The following SLC6A19 variants were observed in gnomAD, a reference collection of about 807,000 sequenced individuals.
SLC6A19 encodes the protein sodium-dependent neutral amino acid transporter B(0)AT1.
Under a neutral mutation model 68.3 loss-of-function variants are expected in SLC6A19, and 67 were observed. That is an observed-to-expected ratio of 0.98 (90% CI 0.81 to 1.20). The LOEUF (loss-of-function observed/expected upper bound fraction) is 1.20. Among genes scored for constraint, SLC6A19 ranks in the 50% most tolerant of loss-of-function variants. SLC6A19 has a pLI of 0.00. For synonymous variants in SLC6A19, 392 were observed against 374.9 expected, an observed-to-expected ratio of 1.05 and a Z score of -0.53; for missense variants, 813 against 851.6, an observed-to-expected ratio of 0.95 and a Z score of 0.56.
In SLC6A19 at chr5:1,219,665, G is replaced by A. The variant is rs575943523; in HGVS notation, c.1538+1G>A. 1.2e-6 allele frequency: 2 copies of A among 1,604,232 alleles called. No individual in the cohort carries two copies. Among genetic ancestry groups the A allele is most frequent in the South Asian group, 1.1e-5 (1 of 91,078 alleles). On this transcript the variant is annotated splice_donor_variant, in intron 10 of 11. Transcript: ENST00000304460. LOFTEE classifies it high-confidence loss of function. ...TGGTCTACGTGTACGGTGTGGACAG[G>A]TAGGGGCCACGGTGGGGACAGGTGC...
Position 1,209,632 on chromosome 5 carries a change from T to C in SLC6A19, c.343+746T>C, listed in dbSNP as rs1423027450. ...CCCTCTCTCTTCCTCTCTCTCTGTC[T>C]CTGTCATTCTCTCTTTCCCCTCCTA... On this transcript the variant is annotated intron_variant, in intron 2 of 11. Coordinates refer to ENST00000304460, the MANE Select transcript of SLC6A19 (RefSeq NM_001003841.3). This position sits in a 1 kb window ranked among gnomAD's most constrained non-coding sequence, Gnocchi z 5.5. 6.6e-6 allele frequency among the ~76,000 whole-genome samples: 1 copy of C among 151,844 alleles called. No homozygotes were observed. Among genetic ancestry groups the C allele is most frequent in the Admixed American group, 6.6e-5 (1 of 15,250 alleles).
At chr5:1,218,005 G>GCGCCTCTTCC (rs1554035170) in intron 8 of SLC6A19, among the ~76,000 whole-genome samples, 10 of 149,550 alleles carry the variant, frequency 6.7e-5, no homozygotes, top group African/African-American at 2.5e-4. Context: ...CTCCATCCTG[G>GCGCCTCTTCC]CGCCTCCTCC....
chr5:1,209,421 A>AGAG lies in SLC6A19; in HGVS notation c.343+539_343+541dup, dbSNP rs750440382. 5.8e-4 allele frequency among the ~76,000 whole-genome samples: 88 copies of AGAG among 152,226 alleles called. No homozygotes were observed. Among genetic ancestry groups the AGAG allele is most frequent in the Non-Finnish European group, 9.4e-4 (64 of 67,988 alleles). On this transcript the variant is annotated intron_variant, in intron 2 of 11. Transcript: ENST00000304460. This position sits in a 1 kb window ranked among gnomAD's most constrained non-coding sequence, Gnocchi z 5.5. Reference sequence around the variant, plus strand: ...GAGGAAAGGGCAGGGTCCACTCCAGAGAGGAGTCTGAGTCCAGGAAGCACC... The same window carrying AGAG: ...GAGGAAAGGGCAGGGTCCACTCCAGAGAGGAGGAGTCTGAGTCCAGGAAGCACC...
intron 5 of SLC6A19, 124 bp downstream of exon 5, chr5:1,213,697 G>A (rs1746119983): frequency 9.1e-7 from 1 of 1,104,562 alleles, no homozygotes; most frequent in African/African-American, 1.6e-5. Flanking sequence ...ACCAGTCCCA[G>A]GCCTGAGGAG....
intron 1 of SLC6A19, among the ~76,000 whole-genome samples, chr5:1,205,282 T>G (rs1260932662): frequency 6.6e-6 from 1 of 152,238 alleles, no homozygotes; most frequent in Non-Finnish European, 1.5e-5. Flanking sequence ...TCGCTGCGTT[T>G]AAAAGACAAA....
Position 1,218,854 on chromosome 5 carries a change from G to A in SLC6A19, c.1174-49G>A, listed in dbSNP as rs573786926. On this transcript the variant is annotated intron_variant, in intron 8 of 11. Transcript: ENST00000304460. Reference sequence around the variant, plus strand: ...ACGAGACCTCGGGCGGGGAGGAGACGGAGCCCACGGAGGGCAGAGGCCCTG... The same window carrying A: ...ACGAGACCTCGGGCGGGGAGGAGACAGAGCCCACGGAGGGCAGAGGCCCTG... 4.7e-5 allele frequency: 75 copies of A among 1,591,710 alleles called. No homozygotes were observed. In the East Asian group the frequency reaches 1.2e-3, roughly 26 times the overall value.
chr5:1,213,962 C>G lies in SLC6A19; in HGVS notation c.784C>G (p.Leu262Val). 1 of 1,613,228 alleles carries G rather than the reference C, an allele frequency of 6.2e-7. No individual in the cohort carries two copies. Among genetic ancestry groups the G allele is most frequent in the Non-Finnish European group, 8.5e-7 (1 of 1,180,008 alleles). Reference protein sequence around the residue: ...VFLFTPNVTELAQPDTWLDAG... With the variant: ...VFLFTPNVTEVAQPDTWLDAG... ...TCTCCATGTGGCGCAGGTCACGGAG[C>G]TGGCCCAGCCGGACACCTGGCTGGA... Residue 262 changes from leucine to valine, a missense_variant, in exon 6 of 12, where the codon CTG (leucine) becomes GTG (valine). By Grantham distance (32) the Leu-to-Val change is conservative (BLOSUM62 1). Transcript: ENST00000304460.
chr5:1,218,670 CG>C lies in SLC6A19; in HGVS notation c.1174-231del, dbSNP rs1746272632. On this transcript the variant is annotated intron_variant, in intron 8 of 11. Transcript: ENST00000304460. Reference sequence around the variant, plus strand: ...TGTGTTGGGAGAGCCCGTCTGTGGGCGGAACGGGGCTCTGAGTGCCGCTTGG... The same window carrying C: ...TGTGTTGGGAGAGCCCGTCTGTGGGCGAACGGGGCTCTGAGTGCCGCTTGG... Among the ~76,000 whole-genome samples, 3 of 152,322 alleles carry C rather than the reference CG, an allele frequency of 2.0e-5. No individual in the cohort carries two copies. In the South Asian group the frequency reaches 6.2e-4, roughly 32 times the overall value.
In SLC6A19 at chr5:1,218,813, C is replaced by T. The variant is rs6865308; in HGVS notation, c.1174-90C>T. On this transcript the variant is annotated intron_variant, in intron 8 of 11. Transcript: ENST00000304460. ...GCTCAGACCTGCCCGCCCCATGCTG[C>T]GTGGCTTGGCGACGCACGAGACCTC... 550,562 of 1,359,350 alleles carry T rather than the reference C, an allele frequency of 0.41. 114,775 individuals are homozygous for T. The highest frequency in any genetic ancestry group is 0.43 in the Non-Finnish European group (416,403 of 969,432). The allele number at this position is 1,359,350 out of a possible 1,614,324, so 84.2% of individuals were successfully genotyped here. A position where few individuals can be genotyped will look rare whatever the true frequency, so the allele number is the denominator to read the frequency against.
rs1040869072 is a variant in SLC6A19, at chr5:1,222,230, A to G, written c.*326A>G. 1.0e-5 allele frequency: 6 copies of G among 583,290 alleles called. No homozygotes were observed. The highest frequency in any genetic ancestry group is 7.5e-5 in the African/African-American group (4 of 53,660). 36.1% of individuals were successfully genotyped at this position (583,290 alleles called of 1,614,324 possible). ...ATGTATGGACATTGTGTGAGTGTGC[A>G]AGTGTGCATGCATATACATGTGTGC... is the stretch of plus-strand genomic sequence containing the variant. On this transcript the variant is annotated 3_prime_UTR_variant, in exon 12 of 12. Transcript: ENST00000304460.
intron 1 of SLC6A19, among the ~76,000 whole-genome samples, chr5:1,203,976 T>A (rs943604915): frequency 6.6e-6 from 1 of 152,152 alleles, no homozygotes; most frequent in Non-Finnish European, 1.5e-5. Context: ...GGGGGCCTCA[T>A]GGGCACCAAA....
chr5:1,202,854 C>G (rs1471289504), intron 1 of SLC6A19, among the ~76,000 whole-genome samples: 3 of 152,196 alleles, frequency 2.0e-5, no homozygotes, highest in Non-Finnish European at 4.4e-5. Flanking sequence ...TCGCCTCCAG[C>G]ATTGTCAAGG....
intron 1 of SLC6A19, among the ~76,000 whole-genome samples, chr5:1,203,007 CA>C (rs1745758186): frequency 6.6e-6 from 1 of 152,136 alleles, no homozygotes; most frequent in African/African-American, 2.4e-5. Context: ...ACCAAAGCCT[CA>C]GGGGACTTCC....
Position 1,221,184 on chromosome 5 carries a change from C to T in SLC6A19, c.1572C>T (p.His524=), listed in dbSNP as rs755709564. 1.5e-5 allele frequency: 25 copies of T among 1,614,118 alleles called. No individual in the cohort carries two copies. Among genetic ancestry groups the T allele is most frequent in the Non-Finnish European group, 2.1e-5 (25 of 1,180,018 alleles). Residue 524 remains histidine, a synonymous_variant, in exon 11 of 12, where the codon CAC becomes CAT. Coordinates refer to ENST00000304460, the MANE Select transcript of SLC6A19 (RefSeq NM_001003841.3). ...FNKDIEFMIG[H]KPNIFWQVTW... ...AGGACATCGAGTTCATGATCGGCCACAAGCCCAACATCTTCTGGCAAGTCA... is the reference window on the plus strand; with the variant it reads ...AGGACATCGAGTTCATGATCGGCCATAAGCCCAACATCTTCTGGCAAGTCA...
In SLC6A19 at chr5:1,212,575, C is replaced by A; in HGVS notation, c.663+91C>A. 6.6e-7 allele frequency: 1 copy of A among 1,521,010 alleles called. No individual in the cohort carries two copies. The highest frequency in any genetic ancestry group is 9.0e-7 in the Non-Finnish European group (1 of 1,115,716). The allele number at this position is 1,521,010 out of a possible 1,614,324, so 94.2% of individuals were successfully genotyped here. ...GCCGGCTGCACTCTAAAACCCAGGTCTGGGGGTCCCGGGCTCTGCCTTTCC... is the reference window on the plus strand; with the variant it reads ...GCCGGCTGCACTCTAAAACCCAGGTATGGGGGTCCCGGGCTCTGCCTTTCC... On this transcript the variant is annotated intron_variant, in intron 4 of 11. Coordinates refer to ENST00000304460, the MANE Select transcript of SLC6A19 (RefSeq NM_001003841.3). This position sits in a 1 kb window ranked among gnomAD's most constrained non-coding sequence, Gnocchi z 5.1.
chr5:1,206,260 G>A (rs529005367), intron 1 of SLC6A19, among the ~76,000 whole-genome samples: 70 of 151,002 alleles, frequency 4.6e-4, no homozygotes, highest in African/African-American at 1.6e-3. Flanking sequence ...TCTCTCCATC[G>A]CCCTGTCTGT....
intron 11 of SLC6A19, 64 bp from the exon 12 acceptor site, chr5:1,221,637 T>G: frequency 6.3e-7 from 1 of 1,596,624 alleles, no homozygotes; most frequent in South Asian, 1.1e-5. Flanking sequence ...TGAGGGGCCT[T>G]TGCCTCAAAG....
Position 1,222,073 on chromosome 5 carries a change from T to G in SLC6A19, c.*169T>G. 1 of 748,970 alleles carries G rather than the reference T, an allele frequency of 1.3e-6. No individual in the cohort carries two copies. Among genetic ancestry groups the G allele is most frequent in the Non-Finnish European group, 2.2e-6 (1 of 456,474 alleles). The allele number at this position is 748,970 out of a possible 1,614,324, so 46.4% of individuals were successfully genotyped here. ...GTGCCATGTGTGCAGATATGTATCG[T>G]GTGTGCATGTACATGCATGGGCACT... is the stretch of plus-strand genomic sequence containing the variant. On this transcript the variant is annotated 3_prime_UTR_variant, in exon 12 of 12. Transcript: ENST00000304460.
Position 1,209,921 on chromosome 5 carries a change from G to A in SLC6A19, c.344-523G>A, listed in dbSNP as rs1287137422. Among the ~76,000 whole-genome samples the A allele has an allele frequency of 6.6e-6, 1 of 152,218 alleles. No individual in the cohort carries two copies. The highest frequency in any genetic ancestry group is 1.9e-4 in the East Asian group (1 of 5,198). On this transcript the variant is annotated intron_variant, in intron 2 of 11. Transcript: ENST00000304460. This position sits in a 1 kb window ranked among gnomAD's most constrained non-coding sequence, Gnocchi z 5.5. ...TGCCTAGCTGTCCCCAAATAATTGA[G>A]AACATTCCCCTCTGCAGTTTCTGTT...
Sources: gnomAD v4.1 joint callset for allele counts (sites outside exome capture counted in the v4.1 genomes callset) on GRCh38, gnomAD v4.1.1 for gene constraint, Gnocchi (gnomAD v3.1) non-coding constraint, MANE v1.5 for transcripts, NCBI Gene and HGNC (gene_info 2026-07-23, HGNC 2026-07-21) for gene names.